The following MALRD1 variants were observed in gnomAD, a reference collection of about 807,000 sequenced individuals.
MALRD1 encodes the protein MAM and LDL receptor class A domain containing 1, also known as MAM and LDL-receptor class A domain-containing protein 1.
A neutral mutation model predicts 242.1 loss-of-function variants in MALRD1; 247 were observed. That is an observed-to-expected ratio of 1.02 (90% CI 0.92 to 1.13). The LOEUF is 1.13. MALRD1 is among the 50% of genes most tolerant of loss of function. The pLI, the probability that MALRD1 is intolerant of heterozygous loss-of-function variation, is 0.00. For synonymous variants in MALRD1, 995 were observed against 866.6 expected (o/e 1.15, Z -2.60); for missense variants, 2,989 against 2,533.1 (o/e 1.18, Z -3.86).
intron 29 of MALRD1, among the ~76,000 whole-genome samples, chr10:19,468,947 A>G (rs574819230): frequency 1.1e-4 from 17 of 151,956 alleles, no homozygotes; most frequent in African/African-American, 3.6e-4. Context: ...AATTTTTTTA[A>G]TAAATAATAT....
intron 28 of MALRD1, among the ~76,000 whole-genome samples, chr10:19,438,003 A>T (rs992458167): frequency 2.0e-5 from 3 of 152,060 alleles, no homozygotes; most frequent in African/African-American, 7.2e-5. Context: ...ATGCCTTGGT[A>T]GAAGTCCCTG....
chr10:19,124,043 CAAAAAAAAAAA>C (rs71387044), intron 6 of MALRD1, among the ~76,000 whole-genome samples: 1 of 87,290 alleles, frequency 1.1e-5, no homozygotes, highest in Non-Finnish European at 2.5e-5. Flanking sequence ...TCATCTCTAC[CAAAAAAAAAAA>C]AAAAAAAAAA....
chr10:19,075,584 G>T (rs1037161217), intron 2 of MALRD1, among the ~76,000 whole-genome samples: 7 of 152,064 alleles, frequency 4.6e-5, no homozygotes, highest in African/African-American at 1.7e-4. Flanking sequence ...AGGGATCTCA[G>T]TCTTAGGGCT....
intron 29 of MALRD1, chr10:19,488,930 A>G (rs1276081629): frequency 5.1e-6 from 2 of 388,568 alleles, no homozygotes; most frequent in Non-Finnish European, 1.0e-5. Context: ...TACATGGGTT[A>G]TTAAGATCCC....
At chr10:19,597,034 C>G (rs547870117) in intron 34 of MALRD1, among the ~76,000 whole-genome samples, 7 of 152,212 alleles carry the variant, frequency 4.6e-5, no homozygotes, top group African/African-American at 1.7e-4. Flanking sequence ...TGTTTAAAGG[C>G]TTTAGCCTTA....
At chr10:19,248,568 A>G (rs1839165472) in intron 18 of MALRD1, among the ~76,000 whole-genome samples, 1 of 152,000 alleles carries the variant, frequency 6.6e-6, no homozygotes, top group Non-Finnish European at 1.5e-5. Flanking sequence ...GACACCTATT[A>G]GTGACTACGT....
In MALRD1 at chr10:19,359,802, G is replaced by A. The variant is rs565497056; in HGVS notation, c.4441+7505G>A. Among the ~76,000 whole-genome samples, 15 of 151,886 alleles carry A rather than the reference G, an allele frequency of 9.9e-5. No homozygotes were observed. The South Asian group carries it at 3.1e-3, about 32-fold the overall frequency. On this transcript the variant is annotated intron_variant, in intron 26 of 39. Transcript: ENST00000454679. ...AAGAACTCTTGGAAAATGTAACTGA[G>A]GGATTCACTACCAAGTTTATTTATA...
At chr10:19,237,604 A>AT (rs1838394820) in intron 18 of MALRD1, among the ~76,000 whole-genome samples, 1 of 72,196 alleles carries the variant, frequency 1.4e-5, no homozygotes, top group Non-Finnish European at 2.4e-5. Flanking sequence ...ATATAATTAT[A>AT]ATTATAATTA....
intron 24 of MALRD1, among the ~76,000 whole-genome samples, chr10:19,346,431 A>G (rs1301413143): frequency 6.6e-6 from 1 of 152,156 alleles, no homozygotes; most frequent in East Asian, 1.9e-4. Flanking sequence ...AATTGTGTAA[A>G]TGAGGCTTAT....
intron 28 of MALRD1, among the ~76,000 whole-genome samples, chr10:19,448,972 G>A (rs1835157903): frequency 6.6e-6 from 1 of 151,932 alleles, no homozygotes; most frequent in Non-Finnish European, 1.5e-5. Context: ...CTTTTCCTCT[G>A]TCAGTGATTT....
chr10:19,606,494 C>T (rs977978072), intron 34 of MALRD1, among the ~76,000 whole-genome samples: 1 of 152,112 alleles, frequency 6.6e-6, no homozygotes, highest in Non-Finnish European at 1.5e-5. Flanking sequence ...CCCTGGTACT[C>T]AGAGGAGCAG....
At chr10:19,345,545 A>G (rs1844078199) in intron 24 of MALRD1, among the ~76,000 whole-genome samples, 1 of 151,996 alleles carries the variant, frequency 6.6e-6, no homozygotes. Flanking sequence ...TATAAGTATT[A>G]TAGTCTATTC....
At chr10:19,308,132 T>A (rs1017991476) in intron 21 of MALRD1, among the ~76,000 whole-genome samples, 3 of 151,452 alleles carry the variant, frequency 2.0e-5, no homozygotes, top group African/African-American at 7.3e-5. Context: ...TATTGTTTCT[T>A]TCTATTTTTT....
At chr10:19,190,477 A>G (rs971852369) in intron 14 of MALRD1, among the ~76,000 whole-genome samples, 2 of 152,006 alleles carry the variant, frequency 1.3e-5, no homozygotes, top group African/African-American at 2.4e-5. Flanking sequence ...AAGAACCCCA[A>G]ATAGACAAAA....
chr10:19,359,823 T>C (rs1277664762), intron 26 of MALRD1, among the ~76,000 whole-genome samples: 1 of 152,022 alleles, frequency 6.6e-6, no homozygotes, highest in African/African-American at 2.4e-5. Flanking sequence ...CCAAGTTTAT[T>C]TATATAAACA....
chr10:19,113,219 T>A (rs1467804185), intron 5 of MALRD1, among the ~76,000 whole-genome samples: 1 of 152,166 alleles, frequency 6.6e-6, no homozygotes, highest in East Asian at 1.9e-4. Context: ...TAAGTCTTAC[T>A]GCCTCCAGGA....
intron 12 of MALRD1, among the ~76,000 whole-genome samples, chr10:19,163,462 G>A (rs1278774515): frequency 6.8e-6 from 1 of 147,922 alleles, no homozygotes; most frequent in Non-Finnish European, 1.5e-5. Context: ...TAAGAACAAT[G>A]AACACAAAGA....
intron 14 of MALRD1, among the ~76,000 whole-genome samples, chr10:19,178,511 C>T (rs4748559): frequency 0.3 from 45,811 of 152,094 alleles, 7,228 homozygotes; most frequent in Admixed American, 0.37. Context: ...AAATCTTTAA[C>T]AGGCATACAA....
At chr10:19,135,012 AAGTATGT>A (rs1833279804) in intron 9 of MALRD1, among the ~76,000 whole-genome samples, 1 of 152,194 alleles carries the variant, frequency 6.6e-6, no homozygotes, top group African/African-American at 2.4e-5. Context: ...ATTATGGGAA[AAGTATGT>A]AGCAGCATAC....
Sources: gnomAD v4.1 joint callset for allele counts (sites outside exome capture counted in the v4.1 genomes callset) on GRCh38, gnomAD v4.1.1 for gene constraint, MANE v1.5 for transcripts, NCBI Gene and HGNC (gene_info 2026-07-23, HGNC 2026-07-21) for gene names.